The following NEDD8 variants were observed in gnomAD, a reference collection of about 807,000 sequenced individuals.
NEDD8 encodes the protein NEDD8 ubiquitin like modifier, also known as ubiquitin-like protein NEDD8.
NEDD8 carries 1 observed loss-of-function variant against 13.8 expected under a neutral mutation model. The ratio of observed to expected loss-of-function variants is 0.07; its 90% CI spans 0.03 to 0.34. NEDD8 has a LOEUF of 0.34. NEDD8 is among the 10% of genes least tolerant of loss of function. NEDD8 has a pLI of 0.99. For missense variants in NEDD8, 10 were observed against 95.2 expected, an observed-to-expected ratio of 0.10 and a Z score of 3.73; for synonymous variants, 31 against 33.2, an observed-to-expected ratio of 0.93 and a Z score of 0.23.
At chr14:24,218,651 C>T in intron 1 of NEDD8, 1 of 620,648 alleles carries the variant, frequency 1.6e-6, no homozygotes, top group Non-Finnish European at 2.8e-6. Context: ...TTTGAACCAT[C>T]TGATCCTCTT....
At chr14:24,227,414 A>C (rs1028454017) in intron 1 of NEDD8, 1 of 152,218 alleles carries the variant, frequency 6.6e-6, no homozygotes, top group East Asian at 1.9e-4. Flanking sequence ...TTTAGACTAC[A>C]CTTTAGAGGG....
At chr14:24,226,222 T>C (rs1322103458) in intron 1 of NEDD8, among the ~76,000 whole-genome samples, 1 of 152,066 alleles carries the variant, frequency 6.6e-6, no homozygotes, top group Non-Finnish European at 1.5e-5. Flanking sequence ...CTGGGCACAG[T>C]GGCTCACGCT....
chr14:24,231,046 C>A (rs1244964979), intron 1 of NEDD8, among the ~76,000 whole-genome samples: 1 of 152,122 alleles, frequency 6.6e-6, no homozygotes, highest in African/African-American at 2.4e-5. Context: ...TGCGCCCAGA[C>A]CCTTGGCTAA....
chr14:24,217,030 C>G lies in NEDD8; in HGVS notation c.*97G>C. 1.1e-6 allele frequency: 1 copy of G among 947,644 alleles called. No individual in the cohort carries two copies. Among genetic ancestry groups the G allele is most frequent in the Non-Finnish European group, 1.6e-6 (1 of 618,972 alleles). The allele number at this position is 947,644 out of a possible 1,614,324, so 58.7% of individuals were successfully genotyped here. A position where few individuals can be genotyped will look rare whatever the true frequency, so the allele number is the denominator to read the frequency against. On this transcript the variant is annotated 3_prime_UTR_variant, in exon 4 of 4. Transcript: ENST00000250495. Reference sequence around the variant, plus strand: ...CAGTAGACATACATTACTGGGCATCCAGGGGAGGGGGCAGTGGCTATGGTG... The same window carrying G: ...CAGTAGACATACATTACTGGGCATCGAGGGGAGGGGGCAGTGGCTATGGTG...
At chr14:24,228,215 G>C (rs143228920) in intron 1 of NEDD8, 1 of 151,874 alleles carries the variant, frequency 6.6e-6, no homozygotes, top group African/African-American at 2.4e-5. Context: ...CAAACATGGC[G>C]AAACCCCGTC....
intron 1 of NEDD8, among the ~76,000 whole-genome samples, chr14:24,229,925 G>A (rs1056958345): frequency 7.2e-5 from 11 of 151,790 alleles, no homozygotes; most frequent in African/African-American, 1.9e-4. Flanking sequence ...ACAAAAATTA[G>A]CTGGGCGTGG....
rs1422797501 is a variant in NEDD8 at position 24,229,408 on chromosome 14, C to T, written c.18+2842G>A. On this transcript the variant is annotated intron_variant, in intron 1 of 3. Transcript: ENST00000250495. The stretch of plus-strand genomic sequence containing the variant: ...CTAATTTTTGTATTTTTAGTAGAGA[C>T]GGGGTTTCACCATGTTGGCCAGGCT... Among the ~76,000 whole-genome samples, 3 of 152,060 alleles carry T rather than the reference C, an allele frequency of 2.0e-5. No homozygotes were observed. In the South Asian group the frequency reaches 6.2e-4, roughly 32 times the overall value.
chr14:24,217,320 C>T (rs772766113), intron 3 of NEDD8, 97 bp from the exon 4 acceptor site: 17 of 1,011,816 alleles, frequency 1.7e-5, no homozygotes, highest in African/African-American at 6.5e-5. Flanking sequence ...GACAGAGTCT[C>T]GCTCTGTCAT....
chr14:24,230,985 GATCA>G (rs530307855), intron 1 of NEDD8, among the ~76,000 whole-genome samples: 247 of 151,982 alleles, frequency 1.6e-3, no homozygotes, highest in African/African-American at 5.8e-3. Flanking sequence ...GACATCCCAG[GATCA>G]ATCAATCCTC....
At chr14:24,228,493 T>C (rs8012049) in intron 1 of NEDD8, 3 of 151,926 alleles carry the variant, frequency 2.0e-5, no homozygotes, top group African/African-American at 4.8e-5. Context: ...GGTGGGAAGA[T>C]CACTTGACCC....
At chr14:24,219,608 G>A (rs11158609) in intron 1 of NEDD8, among the ~76,000 whole-genome samples, 134,945 of 151,996 alleles carry the variant, frequency 0.89, 60,001 homozygotes, top group African/African-American at 0.92. Flanking sequence ...GTCTTCTTCC[G>A]TAAGTTAAGG....
chr14:24,218,446 G>A lies in NEDD8; in HGVS notation c.19-15C>T, dbSNP rs1010147278. On this transcript the variant is annotated splice_polypyrimidine_tract_variant and intron_variant, in intron 1 of 3. Transcript: ENST00000250495. ...CCGGTCAGCGTCTGAAACAGGCAAT[G>A]GTTTCATGAGTCCTTAAAGCCCAAT... 2 of 1,614,164 alleles carry A rather than the reference G, an allele frequency of 1.2e-6. No individual in the cohort carries two copies. Among genetic ancestry groups the A allele is most frequent in the Non-Finnish European group, 1.7e-6 (2 of 1,180,044 alleles).
At position 24,232,311 on chromosome 14, in the gene NEDD8, T is replaced by G; in HGVS notation, c.-44A>C. The G allele has an allele frequency of 6.3e-7, 1 of 1,589,812 alleles. No homozygotes were observed. Among genetic ancestry groups the G allele is most frequent in the South Asian group, 1.1e-5 (1 of 90,706 alleles). ...CTGCACACGGATAAATTGCTGCTCC[T>G]ACCGCTCCGGTCGCCGCTGCCGCCC... On this transcript the variant is annotated 5_prime_UTR_variant, in exon 1 of 4. Coordinates refer to ENST00000250495, the MANE Select transcript of NEDD8 (RefSeq NM_006156.3).
In NEDD8 at chr14:24,218,656, C is replaced by A. The variant is rs1363738272; in HGVS notation, c.19-225G>T. ...GGCAAGATTCTTTGAACCATCTGAT[C>A]CTCTTAATTCCATGAGTCATCTTCC... On this transcript the variant is annotated intron_variant, in intron 1 of 3. Coordinates refer to ENST00000250495, the MANE Select transcript of NEDD8 (RefSeq NM_006156.3). 1.5e-5 allele frequency: 9 copies of A among 605,452 alleles called. No individual in the cohort carries two copies. In the East Asian group the frequency reaches 2.5e-4, roughly 17 times the overall value. 37.5% of individuals were successfully genotyped at this position (605,452 alleles called of 1,614,324 possible). A position where few individuals can be genotyped will look rare whatever the true frequency, so the allele number is the denominator to read the frequency against.
At chr14:24,224,392 C>T (rs775737828) in intron 1 of NEDD8, among the ~76,000 whole-genome samples, 6 of 152,120 alleles carry the variant, frequency 3.9e-5, no homozygotes, top group African/African-American at 9.7e-5. Flanking sequence ...GATGGGGTCT[C>T]GAAATGTTGT....
chr14:24,226,581 G>A (rs2039895181), intron 1 of NEDD8: 1 of 152,098 alleles, frequency 6.6e-6, no homozygotes, highest in African/African-American at 2.4e-5. Flanking sequence ...ATCAATTTAA[G>A]CCTTGAATGA....
rs149980708 is a variant in NEDD8, at chr14:24,217,274, TTTGTTGTTG to T, written c.150-60_150-52del. ...AAAGAAAAAGAAGACTTAGGAGTTT[TTTGTTGTTG>T]TTGTTGTTGTTGTTGTTGTTGTTTT... On this transcript the variant is annotated intron_variant, in intron 3 of 3. Coordinates refer to ENST00000250495, the MANE Select transcript of NEDD8 (RefSeq NM_006156.3). The T allele has an allele frequency of 4.7e-4, 566 of 1,206,176 alleles. 1 individual carries two copies. Among genetic ancestry groups the T allele is most frequent in the South Asian group, 1.2e-3 (89 of 73,268 alleles). 74.7% of individuals were successfully genotyped at this position (1,206,176 alleles called of 1,614,324 possible).
In NEDD8 at chr14:24,217,100, G is replaced by C; in HGVS notation, c.*27C>G. On this transcript the variant is annotated 3_prime_UTR_variant, in exon 4 of 4. Transcript: ENST00000250495. ...ATATGATGCCTCATTATGAGCGACA[G>C]GGTAAAGAGGTAAAATGGAGGGTCC... 1 of 1,580,722 alleles carries C rather than the reference G, an allele frequency of 6.3e-7. No homozygotes were observed. The highest frequency in any genetic ancestry group is 8.7e-7 in the Non-Finnish European group (1 of 1,153,664).
chr14:24,224,164 T>C (rs948576826), intron 1 of NEDD8, among the ~76,000 whole-genome samples: 6 of 151,998 alleles, frequency 3.9e-5, no homozygotes, highest in Non-Finnish European at 2.9e-5. Flanking sequence ...CTCCTGACCT[T>C]GTGATCCGCC....
Sources: gnomAD v4.1 joint callset for allele counts (sites outside exome capture counted in the v4.1 genomes callset) on GRCh38, gnomAD v4.1.1 for gene constraint, MANE v1.5 for transcripts, NCBI Gene and HGNC (gene_info 2026-07-23, HGNC 2026-07-21) for gene names.